ADAMTS17: variants seen among roughly 807,000 people sequenced by gnomAD.
ADAMTS17 encodes the protein A disintegrin and metalloproteinase with thrombospondin motifs 17.
Under a neutral mutation model 141.5 loss-of-function variants are expected in ADAMTS17, and 113 were observed. The observed-to-expected ratio is 0.80, with a 90% CI of 0.69 to 0.93. The LOEUF is 0.93. Ranked by LOEUF, ADAMTS17 falls within the 40% of genes least tolerant of loss-of-function variation. The pLI is 0.00. For missense variants in ADAMTS17, 1,659 were observed against 1,517.9 expected (o/e 1.09, Z -1.54); for synonymous variants, 768 against 630.6 (o/e 1.22, Z -3.27).
chr15:100,164,528 G>T (rs902129877), intron 8 of ADAMTS17, among the ~76,000 whole-genome samples: 1 of 152,190 alleles, frequency 6.6e-6, no homozygotes, highest in African/African-American at 2.4e-5. Context: ...AGCCACCAAA[G>T]TGCCTGGCAG....
At chr15:100,302,675 T>C (rs1292113635) in intron 3 of ADAMTS17, among the ~76,000 whole-genome samples, 1 of 152,232 alleles carries the variant, frequency 6.6e-6, no homozygotes, top group Non-Finnish European at 1.5e-5. Context: ...GTGCTTATTG[T>C]CTATTTGTAT....
Position 100,073,319 on chromosome 15 carries a change from T to C in ADAMTS17, c.2138-19265A>G, listed in dbSNP as rs538471065. ...AACACTTTTACACTGCTGGTAGGACTGTAAACTAGTTCAACCATTGTGGAA... is the reference window on the plus strand; with the variant it reads ...AACACTTTTACACTGCTGGTAGGACCGTAAACTAGTTCAACCATTGTGGAA... On this transcript the variant is annotated intron_variant, in intron 15 of 21. Coordinates refer to ENST00000268070, the MANE Select transcript of ADAMTS17 (RefSeq NM_139057.4). Among the ~76,000 whole-genome samples the C allele has an allele frequency of 1.3e-3, 192 of 152,358 alleles. 1 individual carries two copies. Among genetic ancestry groups the C allele is most frequent in the African/African-American group, 4.4e-3 (182 of 41,586 alleles).
At position 100,199,500 on chromosome 15, in the gene ADAMTS17, A is replaced by G. The variant is rs537349625; in HGVS notation, c.1076-77T>C. On this transcript the variant is annotated intron_variant, in intron 7 of 21. Coordinates refer to ENST00000268070, the MANE Select transcript of ADAMTS17 (RefSeq NM_139057.4). Reference sequence around the variant, plus strand: ...CTCACCGGGCAAGTCCGCACGGTCAACGTCATGCACAATCAAGGCAGGCAC... The same window carrying G: ...CTCACCGGGCAAGTCCGCACGGTCAGCGTCATGCACAATCAAGGCAGGCAC... The G allele has an allele frequency of 3.7e-5, 44 of 1,189,062 alleles. 1 individual carries two copies. The South Asian group carries it at 4.6e-4, about 12-fold the overall frequency. 73.7% of individuals were successfully genotyped at this position (1,189,062 alleles called of 1,614,324 possible). A position where few individuals can be genotyped will look rare whatever the true frequency, so the allele number is the denominator to read the frequency against.
intron 3 of ADAMTS17, among the ~76,000 whole-genome samples, chr15:100,303,841 A>G (rs1567512868): frequency 1.3e-5 from 2 of 151,384 alleles, no homozygotes; most frequent in Admixed American, 6.6e-5. Context: ...TTCTGCCTCA[A>G]CCTCCCGAGT....
At chr15:100,158,365 T>A (rs1370572954) in intron 8 of ADAMTS17, among the ~76,000 whole-genome samples, 1 of 152,250 alleles carries the variant, frequency 6.6e-6, no homozygotes, top group Non-Finnish European at 1.5e-5. Context: ...ATATTCATCC[T>A]TGGCACCAAA....
At chr15:100,111,551 G>A (rs2036782798) in intron 13 of ADAMTS17, among the ~76,000 whole-genome samples, 1 of 152,244 alleles carries the variant, frequency 6.6e-6, no homozygotes, top group South Asian at 2.1e-4. Flanking sequence ...CAGCAACACA[G>A]CCCCCAGCGT....
chr15:100,157,539 C>T (rs960639007), intron 8 of ADAMTS17, among the ~76,000 whole-genome samples: 2 of 152,198 alleles, frequency 1.3e-5, no homozygotes, highest in African/African-American at 4.8e-5. Context: ...GGACTGCTAT[C>T]AACCTCAGAC....
At chr15:100,221,743 T>A (rs1294586024) in intron 7 of ADAMTS17, among the ~76,000 whole-genome samples, 1 of 152,190 alleles carries the variant, frequency 6.6e-6, no homozygotes, top group African/African-American at 2.4e-5. Context: ...TGGGACAGGT[T>A]TGCCGGGTGG....
At chr15:100,017,551 C>G (rs945251905) in intron 18 of ADAMTS17, among the ~76,000 whole-genome samples, 8 of 152,240 alleles carry the variant, frequency 5.3e-5, no homozygotes, top group Non-Finnish European at 1.2e-4. Context: ...GCTGCTTCCT[C>G]TACTTCTGTA....
intron 7 of ADAMTS17, among the ~76,000 whole-genome samples, chr15:100,199,994 C>T (rs1333949437): frequency 1.3e-5 from 2 of 152,236 alleles, no homozygotes; most frequent in African/African-American, 4.8e-5. Context: ...CGGAAGGCTG[C>T]ACAGAATGTT....
chr15:100,032,018 G>A (rs537897026), intron 18 of ADAMTS17, among the ~76,000 whole-genome samples: 51 of 152,258 alleles, frequency 3.3e-4, no homozygotes, highest in Non-Finnish European at 4.9e-4. Context: ...GTCTATACGC[G>A]GCACTTGGTA....
At position 100,145,970 on chromosome 15, in the gene ADAMTS17, C is replaced by T. The variant is rs8035011; in HGVS notation, c.1473+6642G>A. Among the ~76,000 whole-genome samples the T allele has an allele frequency of 3.0e-3, 451 of 152,248 alleles. 6 individuals are homozygous for T. Among genetic ancestry groups the T allele is most frequent in the African/African-American group, 8.4e-3 (349 of 41,550 alleles). On this transcript the variant is annotated intron_variant, in intron 10 of 21. Coordinates refer to ENST00000268070, the MANE Select transcript of ADAMTS17 (RefSeq NM_139057.4). ...GGGGGATCACTTGAGGTCAGGAGTT[C>T]GTGACCAGCCTAGCCAACACGGTGG...
At chr15:100,319,709 C>G (rs1032377877) in intron 3 of ADAMTS17, among the ~76,000 whole-genome samples, 3 of 151,500 alleles carry the variant, frequency 2.0e-5, no homozygotes, top group Non-Finnish European at 4.4e-5. Flanking sequence ...GACTCCATCT[C>G]GAGAAAAAGA....
chr15:100,089,836 G>A lies in ADAMTS17; in HGVS notation c.2137+6520C>T, dbSNP rs1169260993. Among the ~76,000 whole-genome samples, 7 of 126,472 alleles carry A rather than the reference G, an allele frequency of 5.5e-5. No individual in the cohort carries two copies. In the East Asian group the frequency reaches 2.0e-3, roughly 37 times the overall value. 83.0% of individuals were successfully genotyped at this position (126,472 alleles called of 152,430 possible). A position where few individuals can be genotyped will look rare whatever the true frequency, so the allele number is the denominator to read the frequency against. On this transcript the variant is annotated intron_variant, in intron 15 of 21. Transcript: ENST00000268070. Reference sequence around the variant, plus strand: ...ATCACACACTGGGGACTGTTGTGGGGTTGGGGGAGGGGGGAGGGATAGCAT... The same window carrying A: ...ATCACACACTGGGGACTGTTGTGGGATTGGGGGAGGGGGGAGGGATAGCAT...
chr15:100,205,539 A>G (rs2041509036), intron 7 of ADAMTS17, among the ~76,000 whole-genome samples: 1 of 152,176 alleles, frequency 6.6e-6, no homozygotes, highest in Admixed American at 6.5e-5. Context: ...GGAGCAATGT[A>G]ACGTTTGTCA....
At chr15:100,201,345 C>G (rs2041325574) in intron 7 of ADAMTS17, among the ~76,000 whole-genome samples, 1 of 152,220 alleles carries the variant, frequency 6.6e-6, no homozygotes, top group Non-Finnish European at 1.5e-5. Context: ...CCCCCTCTCT[C>G]CTGCTGCACT....
chr15:100,239,647 C>T (rs1022367533), intron 7 of ADAMTS17, among the ~76,000 whole-genome samples: 1 of 152,162 alleles, frequency 6.6e-6, no homozygotes, highest in Non-Finnish European at 1.5e-5. Context: ...CTGCCTCCTG[C>T]CATGCTTTGA....
intron 3 of ADAMTS17, among the ~76,000 whole-genome samples, chr15:100,292,050 G>A (rs1196433685): frequency 6.6e-5 from 10 of 151,608 alleles, no homozygotes; most frequent in Non-Finnish European, 7.4e-5. Context: ...CGCTCAGCCC[G>A]TGGGGAGTCA....
chr15:100,095,284 G>C (rs1318942033), intron 15 of ADAMTS17, among the ~76,000 whole-genome samples: 1 of 152,146 alleles, frequency 6.6e-6, no homozygotes, highest in East Asian at 1.9e-4. Context: ...GTTTCATTTT[G>C]CATTTGCATT....
Sources: gnomAD v4.1 joint callset for allele counts (sites outside exome capture counted in the v4.1 genomes callset) on GRCh38, gnomAD v4.1.1 for gene constraint, MANE v1.5 for transcripts, NCBI Gene and HGNC (gene_info 2026-07-23, HGNC 2026-07-21) for gene names.